The following JAM3 variants were observed in gnomAD, a reference collection of about 807,000 sequenced individuals.
JAM3 encodes the protein junctional adhesion molecule 3.
JAM3 carries 31 observed loss-of-function variants against 39.4 expected under a neutral mutation model. The observed-to-expected ratio is 0.79, with a 90% CI of 0.59 to 1.06. JAM3 has a LOEUF of 1.06. JAM3 is among the 50% of genes least tolerant of loss of function. The pLI, the probability that JAM3 is intolerant of heterozygous loss-of-function variation, is 0.00. For synonymous variants in JAM3, 182 were observed against 148.7 expected (o/e 1.22, Z -1.63); for missense variants, 455 against 391.4 (o/e 1.16, Z -1.37).
intron 1 of JAM3, among the ~76,000 whole-genome samples, chr11:134,137,069 C>T (rs7947419): frequency 0.091 from 13,654 of 150,320 alleles, 825 homozygotes; most frequent in African/African-American, 0.17. Context: ...GCCGAGGTTG[C>T]GCCACTGCAC....
At chr11:134,146,105 A>G in intron 6 of JAM3, 60 bp downstream of exon 6, 1 of 1,127,178 alleles carries the variant, frequency 8.9e-7, no homozygotes, top group South Asian at 1.2e-5. Context: ...GAACATTTTA[A>G]TTTAATATTA....
intron 1 of JAM3, among the ~76,000 whole-genome samples, chr11:134,093,672 G>A (rs74727486): frequency 4.6e-4 from 44 of 95,488 alleles, no homozygotes; most frequent in Middle Eastern, 7.5e-3. Context: ...CTTCTCCTGA[G>A]CCCTCCTTAT....
intron 1 of JAM3, among the ~76,000 whole-genome samples, chr11:134,075,944 C>T (rs910186677): frequency 1.3e-5 from 2 of 152,098 alleles, no homozygotes; most frequent in African/African-American, 4.8e-5. Context: ...TCTTGTCTCT[C>T]TGTGCTATTC....
chr11:134,147,125 T>G (rs1277490385), intron 6 of JAM3, among the ~76,000 whole-genome samples: 1 of 152,130 alleles, frequency 6.6e-6, no homozygotes, highest in Non-Finnish European at 1.5e-5. Context: ...GCCTATTGAC[T>G]TTTTAGTGAT....
intron 1 of JAM3, among the ~76,000 whole-genome samples, chr11:134,130,080 T>C (rs1407864405): frequency 6.6e-6 from 1 of 152,134 alleles, no homozygotes; most frequent in African/African-American, 2.4e-5. Flanking sequence ...GTTTTGAAGA[T>C]GGAATTATAA....
chr11:134,112,368 G>A lies in JAM3; in HGVS notation c.77-27483G>A, dbSNP rs1385636972. Reference sequence around the variant, plus strand: ...CTCCCAAAGTGCTGGGATTACAGGCGTGAGACACCGCACCCAGCCAGTCAA... The same window carrying A: ...CTCCCAAAGTGCTGGGATTACAGGCATGAGACACCGCACCCAGCCAGTCAA... On this transcript the variant is annotated intron_variant, in intron 1 of 8. Transcript: ENST00000299106. Among the ~76,000 whole-genome samples, 9 of 152,222 alleles carry A rather than the reference G, an allele frequency of 5.9e-5. No homozygotes were observed. In the South Asian group the frequency reaches 6.2e-4, roughly 11 times the overall value.
chr11:134,114,168 C>CT (rs1239092769), intron 1 of JAM3, among the ~76,000 whole-genome samples: 1 of 152,120 alleles, frequency 6.6e-6, no homozygotes, highest in Non-Finnish European at 1.5e-5. Flanking sequence ...ATGGTAGTTT[C>CT]TTTTGCTGTG....
chr11:134,119,412 G>A (rs1390723415), intron 1 of JAM3, among the ~76,000 whole-genome samples: 1 of 152,222 alleles, frequency 6.6e-6, no homozygotes, highest in South Asian at 2.1e-4. Flanking sequence ...TGTCTATACA[G>A]TGAAATGACT....
At chr11:134,069,699 C>G (rs1356519262) in intron 1 of JAM3, among the ~76,000 whole-genome samples, 1 of 152,172 alleles carries the variant, frequency 6.6e-6, no homozygotes, top group African/African-American at 2.4e-5. Context: ...GCTGGAAGAC[C>G]CTGCGCAGCA....
intron 1 of JAM3, among the ~76,000 whole-genome samples, chr11:134,072,138 C>G (rs1304143942): frequency 1.3e-5 from 2 of 152,240 alleles, no homozygotes; most frequent in Non-Finnish European, 2.9e-5. Flanking sequence ...ACAGACGCAG[C>G]TATGGATTTA....
intron 1 of JAM3, among the ~76,000 whole-genome samples, chr11:134,125,922 A>C (rs1338773399): frequency 6.6e-6 from 1 of 152,194 alleles, no homozygotes; most frequent in African/African-American, 2.4e-5. Flanking sequence ...TCAGCAGAAT[A>C]GTCAACTGAT....
chr11:134,136,565 G>A (rs867315960), intron 1 of JAM3, among the ~76,000 whole-genome samples: 9 of 152,160 alleles, frequency 5.9e-5, no homozygotes, highest in African/African-American at 2.2e-4. Context: ...TTGTGAGGAA[G>A]GACTCTCAGC....
At chr11:134,138,731 GTGT>G (rs1407797665) in intron 1 of JAM3, among the ~76,000 whole-genome samples, 1 of 152,244 alleles carries the variant, frequency 6.6e-6, no homozygotes, top group East Asian at 1.9e-4. Context: ...TTTTGTGGAA[GTGT>G]TTTAGGAACC....
chr11:134,108,075 T>C (rs545869221), intron 1 of JAM3, among the ~76,000 whole-genome samples: 1 of 151,500 alleles, frequency 6.6e-6, no homozygotes, highest in Non-Finnish European at 1.5e-5. Flanking sequence ...TTGGGAACAA[T>C]AGAGAAAAGA....
chr11:134,124,934 G>A (rs1435769079), intron 1 of JAM3, among the ~76,000 whole-genome samples: 10 of 152,248 alleles, frequency 6.6e-5, no homozygotes, highest in African/African-American at 1.2e-4. Context: ...GAAGTCCGGC[G>A]GTGGCAGGAG....
intron 1 of JAM3, among the ~76,000 whole-genome samples, chr11:134,092,817 G>A (rs1382403238): frequency 1.6e-5 from 2 of 128,334 alleles, no homozygotes; most frequent in Non-Finnish European, 3.3e-5. Context: ...CACTTCCTGA[G>A]GGAAGCTTCT....
intron 1 of JAM3, among the ~76,000 whole-genome samples, chr11:134,112,564 C>T (rs974280141): frequency 1.3e-5 from 2 of 152,130 alleles, no homozygotes; most frequent in African/African-American, 4.8e-5. Context: ...GCTAACATTT[C>T]CTGCAGTATA....
At chr11:134,121,575 ATCTC>A (rs982157574) in intron 1 of JAM3, among the ~76,000 whole-genome samples, 3 of 152,184 alleles carry the variant, frequency 2.0e-5, no homozygotes, top group Middle Eastern at 3.4e-3. Flanking sequence ...TCATTCTGAC[ATCTC>A]TCTATGTCAA....
rs982385310 is a variant in JAM3, at chr11:134,150,640, A to G, written c.*1459A>G. 1 of 146,582 alleles carries G rather than the reference A, an allele frequency of 6.8e-6. No individual in the cohort carries two copies. The highest frequency in any genetic ancestry group is 1.5e-5 in the Non-Finnish European group (1 of 66,122). 9.1% of individuals were successfully genotyped at this position (146,582 alleles called of 1,614,324 possible). On this transcript the variant is annotated 3_prime_UTR_variant, in exon 9 of 9. Coordinates refer to ENST00000299106, the MANE Select transcript of JAM3 (RefSeq NM_032801.5). ...CTCACAAAATAGGGCCCCCAATGCT[A>G]TTTTTTTTTTTTAAGTTTGTTTAAT...
Sources: allele counts gnomAD v4.1 joint callset (sites outside exome capture counted in the v4.1 genomes callset), GRCh38; gene constraint gnomAD v4.1.1; transcripts MANE v1.5; gene names NCBI Gene and HGNC (gene_info 2026-07-23, HGNC 2026-07-21).